Variants in ZNF735 observed in about 807,000 individuals in gnomAD.
ZNF735 encodes zinc finger protein 735, also known as putative zinc finger protein 735.
Under a neutral mutation model 13.4 loss-of-function variants are expected in ZNF735, and 11 were observed. The ratio of observed to expected loss-of-function variants is 0.82; its 90% CI spans 0.52 to 1.36. The LOEUF is 1.36. Among genes scored for constraint, ZNF735 ranks in the 40% most tolerant of loss-of-function variants. The pLI is 0.00. For missense variants in ZNF735, 500 were observed against 484.6 expected (o/e 1.03, Z -0.30); for synonymous variants, 171 against 162.6 (o/e 1.05, Z -0.39).
Position 64,214,114 on chromosome 7 carries a change from T to A in ZNF735, c.262+6T>A. On this transcript the variant is annotated splice_donor_region_variant and intron_variant, in intron 3 of 3. Transcript: ENST00000429565. Reference sequence around the variant, plus strand: ...GATGGCAGCCAAACACCCAGGTAGGTGAGAGCAAATGAAGCAGATGACACG... The same window carrying A: ...GATGGCAGCCAAACACCCAGGTAGGAGAGAGCAAATGAAGCAGATGACACG... The A allele has an allele frequency of 6.3e-7, 1 of 1,598,510 alleles. No individual in the cohort carries two copies. The highest frequency in any genetic ancestry group is 8.5e-7 in the Non-Finnish European group (1 of 1,178,752).
At chr7:64,214,136 C>CA in intron 3 of ZNF735, 28 bp downstream of exon 3, 1 of 1,594,718 alleles carries the variant, frequency 6.3e-7, no homozygotes, top group Non-Finnish European at 8.5e-7. Context: ...AAGCAGATGA[C>CA]ACGGATGAGA....
chr7:64,207,383 T>G, intron 1 of ZNF735, 142 bp downstream of exon 1: 2 of 1,520,692 alleles, frequency 1.3e-6, no homozygotes, highest in Non-Finnish European at 1.8e-6. Context: ...GTTCGGCTGT[T>G]AGCCCCCTCC....
chr7:64,207,382 T>C (rs1326910698), intron 1 of ZNF735, 141 bp downstream of exon 1: 6 of 1,523,300 alleles, frequency 3.9e-6, no homozygotes, highest in African/African-American at 2.8e-5. Flanking sequence ...AGTTCGGCTG[T>C]TAGCCCCCTC....
chr7:64,217,446 T>TA (rs1787435635), intron 3 of ZNF735, among the ~76,000 whole-genome samples: 1 of 152,148 alleles, frequency 6.6e-6, no homozygotes, highest in Non-Finnish European at 1.5e-5. Context: ...TCATATACAA[T>TA]ACAATGTTCT....
intron 1 of ZNF735, among the ~76,000 whole-genome samples, chr7:64,212,200 T>A (rs1787368685): frequency 6.6e-6 from 1 of 152,212 alleles, no homozygotes; most frequent in African/African-American, 2.4e-5. Context: ...CATATATTTG[T>A]CTTTTAAAGT....
At position 64,219,857 on chromosome 7, in the gene ZNF735, A is replaced by T. The variant is rs758089093; in HGVS notation, c.806A>T (p.Tyr269Phe). Residue 269 changes from tyrosine (Y) to phenylalanine (F), a missense_variant, in exon 4 of 4, where the codon TAC becomes TTC. Coordinates refer to ENST00000429565, the Ensembl canonical transcript of ZNF735. Reference sequence around the variant, plus strand: ...AGAATTCACACTGGAGAGAAACCCTACGCATGTGAAGAATGTGGCCAAGCC... The same window carrying T: ...AGAATTCACACTGGAGAGAAACCCTTCGCATGTGAAGAATGTGGCCAAGCC... 1 of 1,613,802 alleles carries T rather than the reference A, an allele frequency of 6.2e-7. No homozygotes were observed. The highest frequency in any genetic ancestry group is 1.3e-5 in the African/African-American group (1 of 74,932).
chr7:64,215,364 T>C (rs755745463), intron 3 of ZNF735, among the ~76,000 whole-genome samples: 3 of 152,194 alleles, frequency 2.0e-5, no homozygotes, highest in Non-Finnish European at 4.4e-5. Context: ...GGTTCATTTG[T>C]GCATTTCTAA....
chr7:64,213,625 T>C (rs1400899302), intron 2 of ZNF735, among the ~76,000 whole-genome samples: 2 of 152,154 alleles, frequency 1.3e-5, no homozygotes, highest in East Asian at 3.9e-4. Flanking sequence ...ATTATATCCT[T>C]TTTACTGAGC....
chr7:64,214,247 TA>T (rs1390302423), intron 3 of ZNF735, 139 bp downstream of exon 3: 12 of 923,316 alleles, frequency 1.3e-5, no homozygotes, highest in East Asian at 5.9e-5. Flanking sequence ...TTTTATTTTT[TA>T]TTTTTTTTAT....
chr7:64,212,726 G>A (rs376444142), intron 1 of ZNF735, among the ~76,000 whole-genome samples: 106 of 151,958 alleles, frequency 7.0e-4, no homozygotes, highest in African/African-American at 2.3e-3. Context: ...CCGAGGCGGA[G>A]GTTGCACTGA....
At chr7:64,213,006 CTT>C in intron 1 of ZNF735, 84 bp from the exon 2 acceptor site, 1 of 1,398,848 alleles carries the variant, frequency 7.1e-7, no homozygotes, top group Non-Finnish European at 9.7e-7. Flanking sequence ...TTTTTACTCT[CTT>C]TTTTAACTTG....
chr7:64,214,468 C>T (rs1787396858), intron 3 of ZNF735, among the ~76,000 whole-genome samples: 1 of 151,958 alleles, frequency 6.6e-6, no homozygotes, highest in African/African-American at 2.4e-5. Context: ...TATGTTAAAC[C>T]ATTTAAAAAA....
At chr7:64,209,698 T>C (rs1461613460) in intron 1 of ZNF735, among the ~76,000 whole-genome samples, 1 of 152,198 alleles carries the variant, frequency 6.6e-6, no homozygotes, top group Non-Finnish European at 1.5e-5. Context: ...TTCTTGACTT[T>C]TGCGAGTGTT....
intron 3 of ZNF735, among the ~76,000 whole-genome samples, chr7:64,214,709 T>C (rs986664098): frequency 1.3e-5 from 2 of 152,082 alleles, no homozygotes; most frequent in African/African-American, 4.8e-5. Flanking sequence ...CATGTCTTCA[T>C]TTTACTCTGT....
chr7:64,214,165 G>A, intron 3 of ZNF735, 57 bp downstream of exon 3: 2 of 1,547,602 alleles, frequency 1.3e-6, no homozygotes, highest in African/African-American at 1.4e-5. Context: ...AGTCAAGGAG[G>A]TAGCCAGTCT....
chr7:64,213,051 GGTAA>G (rs1334474514), intron 1 of ZNF735, 37 bp from the exon 2 acceptor site: 1 of 1,575,750 alleles, frequency 6.3e-7, no homozygotes, highest in Admixed American at 1.9e-5. Context: ...ACGGCCATAT[GGTAA>G]GTGTGTGTTC....
intron 1 of ZNF735, 88 bp from the exon 2 acceptor site, chr7:64,213,004 C>G: frequency 7.2e-7 from 1 of 1,381,224 alleles, no homozygotes; most frequent in Non-Finnish European, 9.9e-7. Flanking sequence ...TCTTTTTACT[C>G]TCTTTTTTAA....
chr7:64,210,813 C>T (rs373926817), intron 1 of ZNF735, among the ~76,000 whole-genome samples: 42 of 152,236 alleles, frequency 2.8e-4, no homozygotes, highest in African/African-American at 6.7e-4. Flanking sequence ...CTGCAAGTCT[C>T]GGTCTTTCTG....
At position 64,207,281 on chromosome 7, in the gene ZNF735, G is replaced by C. The variant is rs1787299711; in HGVS notation, c.39+40G>C. Reference sequence around the variant, plus strand: ...TGTCATCGTGAGAGAGGGGTGGGAGGTGGTTGGAACCGGCTGAAAGTGGCT... The same window carrying C: ...TGTCATCGTGAGAGAGGGGTGGGAGCTGGTTGGAACCGGCTGAAAGTGGCT... On this transcript the variant is annotated intron_variant, in intron 1 of 3. Transcript: ENST00000429565. 4 of 1,614,204 alleles carry C rather than the reference G, an allele frequency of 2.5e-6. No individual in the cohort carries two copies. In the South Asian group the frequency reaches 4.4e-5, roughly 18 times the overall value.
Sources: allele counts gnomAD v4.1 joint callset (sites outside exome capture counted in the v4.1 genomes callset), GRCh38; gene constraint gnomAD v4.1.1; transcripts MANE v1.5; gene names NCBI Gene and HGNC (gene_info 2026-07-23, HGNC 2026-07-21).